The following PLXNC1 variants were observed in gnomAD, a reference collection of about 807,000 sequenced individuals.
PLXNC1 encodes the protein plexin-C1.
PLXNC1 carries 75 observed loss-of-function variants against 178.2 expected under a neutral mutation model. The ratio of observed to expected loss-of-function variants is 0.42; its 90% CI spans 0.35 to 0.51. PLXNC1 has a LOEUF of 0.51. Ranked by LOEUF, PLXNC1 falls within the 20% of genes least tolerant of loss-of-function variation. The probability of loss-of-function intolerance (pLI) is 0.02; values close to 1 mark genes in which losing one functional copy is unlikely to be tolerated. For missense variants in PLXNC1, 1,503 were observed against 1,984.4 expected, an observed-to-expected ratio of 0.76 and a Z score of 4.61; for synonymous variants, 790 against 779.9, an observed-to-expected ratio of 1.01 and a Z score of -0.22.
At chr12:94,177,203 ATATATATATG>A (rs1565794455) in intron 2 of PLXNC1, among the ~76,000 whole-genome samples, 5 of 43,780 alleles carry the variant, frequency 1.1e-4, no homozygotes, top group African/African-American at 4.5e-4. Context: ...ATATATACGT[ATATATATATG>A]TGTGTGTATA....
At chr12:94,257,631 G>A (rs1565834478) in intron 17 of PLXNC1, among the ~76,000 whole-genome samples, 2 of 152,176 alleles carry the variant, frequency 1.3e-5, no homozygotes, top group South Asian at 4.1e-4. Flanking sequence ...CAATTAGCCA[G>A]GCATGGTGGC....
At chr12:94,215,958 C>T (rs1323651825) in intron 5 of PLXNC1, among the ~76,000 whole-genome samples, 1 of 152,016 alleles carries the variant, frequency 6.6e-6, no homozygotes, top group African/African-American at 2.4e-5. Flanking sequence ...ACATGATTTC[C>T]TTTTACAAAA....
intron 21 of PLXNC1, among the ~76,000 whole-genome samples, chr12:94,274,227 A>G (rs1441116684): frequency 6.7e-6 from 1 of 148,304 alleles, no homozygotes; most frequent in Non-Finnish European, 1.5e-5. Context: ...AGTCTCTGCT[A>G]TGTGGGAGGC....
At chr12:94,282,505 C>T in intron 23 of PLXNC1, 104 bp downstream of exon 23, 3 of 769,006 alleles carry the variant, frequency 3.9e-6, no homozygotes, top group Non-Finnish European at 2.2e-6. Context: ...CCTGGAATGA[C>T]TTGCAGATCG....
intron 7 of PLXNC1, among the ~76,000 whole-genome samples, chr12:94,225,301 T>C (rs945472446): frequency 6.6e-6 from 1 of 152,198 alleles, no homozygotes; most frequent in African/African-American, 2.4e-5. Context: ...GAGTTTCTTT[T>C]GTCCTGGCCT....
chr12:94,204,051 C>G (rs1963224105), intron 4 of PLXNC1, among the ~76,000 whole-genome samples: 2 of 152,228 alleles, frequency 1.3e-5, no homozygotes, highest in Admixed American at 6.5e-5. Context: ...CAGATGCAGG[C>G]CCCTCGACCT....
At chr12:94,222,288 C>T (rs566254908) in intron 6 of PLXNC1, among the ~76,000 whole-genome samples, 19 of 152,308 alleles carry the variant, frequency 1.2e-4, no homozygotes, top group African/African-American at 4.1e-4. Context: ...GAATATCTTA[C>T]ATATTCTGAA....
At chr12:94,225,030 T>C (rs1262995102) in intron 7 of PLXNC1, among the ~76,000 whole-genome samples, 1 of 152,160 alleles carries the variant, frequency 6.6e-6, no homozygotes, top group African/African-American at 2.4e-5. Context: ...GAAGTCCCTT[T>C]CACCAAAAGA....
chr12:94,181,692 C>A, intron 3 of PLXNC1, 112 bp downstream of exon 3: 1 of 951,554 alleles, frequency 1.1e-6, no homozygotes, highest in Non-Finnish European at 1.6e-6. Context: ...AAGCAGTGCC[C>A]CAGGCTTTGA....
intron 4 of PLXNC1, among the ~76,000 whole-genome samples, chr12:94,203,553 G>T (rs1457990422): frequency 6.6e-6 from 1 of 152,170 alleles, no homozygotes; most frequent in Non-Finnish European, 1.5e-5. Context: ...GCTGGCATTT[G>T]TGATGTCGCT....
At chr12:94,158,494 G>C (rs1961259581) in intron 1 of PLXNC1, among the ~76,000 whole-genome samples, 1 of 152,168 alleles carries the variant, frequency 6.6e-6, no homozygotes, top group South Asian at 2.1e-4. Flanking sequence ...ATGAGAAAAA[G>C]GTTAGAAAAT....
rs145753579 is a variant in PLXNC1 at position 94,202,047 on chromosome 12, C to T, written c.1440-7543C>T. ...GTGCTGGGATTACAGGCATAAGCCA[C>T]TAGCACTGGCCTCTTCCTACTACTC... On this transcript the variant is annotated intron_variant, in intron 4 of 30. Coordinates refer to ENST00000258526, the MANE Select transcript of PLXNC1 (RefSeq NM_005761.3). 5.4e-3 allele frequency among the ~76,000 whole-genome samples: 825 copies of T among 152,214 alleles called. 10 individuals carry two copies. Among genetic ancestry groups the T allele is most frequent in the African/African-American group, 0.019 (786 of 41,542 alleles).
intron 17 of PLXNC1, among the ~76,000 whole-genome samples, chr12:94,257,775 C>T (rs377470123): frequency 8.8e-4 from 134 of 152,128 alleles, no homozygotes; most frequent in East Asian, 1.4e-3. Flanking sequence ...GGCATGGTGG[C>T]GGGCGCCTGT....
chr12:94,262,798 G>A lies in PLXNC1; in HGVS notation c.3450+1958G>A, dbSNP rs17022314. Reference sequence around the variant, plus strand: ...CCTTCCAAGACACCAAGGATTTGTGGGTAAAATAATAATACCATTTATTGA... The same window carrying A: ...CCTTCCAAGACACCAAGGATTTGTGAGTAAAATAATAATACCATTTATTGA... On this transcript the variant is annotated intron_variant, in intron 20 of 30. Transcript: ENST00000258526. The A allele has an allele frequency of 9.4e-4, 924 of 983,310 alleles. 9 individuals are homozygous for A. The African/African-American group carries it at 0.015, about 16-fold the overall frequency. The allele number at this position is 983,310 out of a possible 1,614,324, so 60.9% of individuals were successfully genotyped here.
In PLXNC1 at chr12:94,285,841, T is replaced by C. The variant is rs562812054; in HGVS notation, c.3879+3440T>C. Among the ~76,000 whole-genome samples the C allele has an allele frequency of 6.4e-4, 98 of 152,290 alleles. 1 individual carries two copies. The South Asian group carries it at 0.015, about 23-fold the overall frequency. ...GGACACAGACTCCAAGGCCCTCCTC[T>C]GGTGCTGTTGACTGGAGTTCTTGTC... On this transcript the variant is annotated intron_variant, in intron 23 of 30. Transcript: ENST00000258526.
At chr12:94,233,094 G>A (rs571205863) in intron 9 of PLXNC1, among the ~76,000 whole-genome samples, 56 of 152,294 alleles carry the variant, frequency 3.7e-4, no homozygotes, top group African/African-American at 1.3e-3. Flanking sequence ...GTGGGAGCAA[G>A]ACCTCCAACC....
intron 9 of PLXNC1, among the ~76,000 whole-genome samples, chr12:94,232,169 C>T (rs893582321): frequency 6.6e-6 from 1 of 152,132 alleles, no homozygotes; most frequent in African/African-American, 2.4e-5. Context: ...TCACTGCAAC[C>T]TCTGCCTCCC....
At chr12:94,169,555 C>T (rs558764301) in intron 2 of PLXNC1, among the ~76,000 whole-genome samples, 1 of 152,286 alleles carries the variant, frequency 6.6e-6, no homozygotes, top group East Asian at 1.9e-4. Flanking sequence ...CATAAGCCAG[C>T]TGGGTGAGGT....
At chr12:94,289,072 T>A (rs950284675) in intron 23 of PLXNC1, among the ~76,000 whole-genome samples, 4 of 152,232 alleles carry the variant, frequency 2.6e-5, no homozygotes, top group Non-Finnish European at 1.5e-5. Flanking sequence ...TTTCATAAGG[T>A]TAAACATAAG....
Sources: allele counts gnomAD v4.1 joint callset (sites outside exome capture counted in the v4.1 genomes callset), GRCh38; gene constraint gnomAD v4.1.1; transcripts MANE v1.5; gene names NCBI Gene and HGNC (gene_info 2026-07-23, HGNC 2026-07-21).